KIF2A: variants seen among roughly 807,000 people sequenced by gnomAD.
KIF2A encodes kinesin family member 2A.
In KIF2A, 22 loss-of-function variants were observed where a neutral mutation model predicts 100.2. That is an observed-to-expected ratio of 0.22 (90% CI 0.16 to 0.31). KIF2A has a LOEUF of 0.31. Among genes scored for constraint, KIF2A ranks in the 10% least tolerant of loss-of-function variants. The pLI, the probability that KIF2A is intolerant of heterozygous loss-of-function variation, is 1.00. For synonymous variants in KIF2A, 268 were observed against 285.9 expected (o/e 0.94, Z 0.63); for missense variants, 495 against 898.7 (o/e 0.55, Z 5.74).
At chr5:62,377,814 A>G in intron 19 of KIF2A, 52 bp downstream of exon 19, 2 of 961,834 alleles carry the variant, frequency 2.1e-6, no homozygotes, top group Non-Finnish European at 3.2e-6. Context: ...TAAATTAAGA[A>G]TTTGTCATAA....
intron 19 of KIF2A, among the ~76,000 whole-genome samples, chr5:62,379,054 T>C (rs1332744564): frequency 1.3e-5 from 2 of 151,838 alleles, no homozygotes; most frequent in African/African-American, 2.4e-5. Flanking sequence ...GGTGGATGGA[T>C]TGCTTGAGCC....
At chr5:62,360,681 C>T (rs941891819) in intron 9 of KIF2A, among the ~76,000 whole-genome samples, 2 of 150,826 alleles carry the variant, frequency 1.3e-5, no homozygotes, top group East Asian at 1.9e-4. Context: ...AACGAGACTT[C>T]GTCTCAAAAA....
intron 1 of KIF2A, among the ~76,000 whole-genome samples, chr5:62,321,919 T>A (rs1484228536): frequency 1.3e-5 from 2 of 152,036 alleles, no homozygotes; most frequent in African/African-American, 4.8e-5. Flanking sequence ...TATAATTTGG[T>A]ATGTTTTCTC....
intron 14 of KIF2A, among the ~76,000 whole-genome samples, chr5:62,364,209 A>G (rs892395966): frequency 4.6e-5 from 7 of 151,358 alleles, no homozygotes; most frequent in African/African-American, 1.5e-4. Context: ...GTGCAGTGAC[A>G]CAATCTCGGC....
chr5:62,371,804 G>T (rs1741340118), intron 16 of KIF2A, among the ~76,000 whole-genome samples: 1 of 152,186 alleles, frequency 6.6e-6, no homozygotes, highest in Non-Finnish European at 1.5e-5. Context: ...TCATAATTTG[G>T]TTAAATATAA....
rs528450913 is a variant in KIF2A, at chr5:62,360,093, C to T, written c.873-1149C>T. On this transcript the variant is annotated intron_variant, in intron 9 of 20. Transcript: ENST00000407818. ...TGCAACCTCTGCCTCCCAGTTCAAGCGATTCTCCTGCCTCAGCCTCCTGAG... is the reference window on the plus strand; with the variant it reads ...TGCAACCTCTGCCTCCCAGTTCAAGTGATTCTCCTGCCTCAGCCTCCTGAG... 1.9e-4 allele frequency among the ~76,000 whole-genome samples: 29 copies of T among 151,828 alleles called. No homozygotes were observed. The East Asian group carries it at 4.3e-3, about 23-fold the overall frequency.
chr5:62,357,653 A>G, intron 7 of KIF2A, 38 bp from the exon 8 acceptor site: 1 of 1,091,062 alleles, frequency 9.2e-7, no homozygotes, highest in Non-Finnish European at 1.4e-6. Context: ...TTTACATGAC[A>G]CTAATAATCA....
In KIF2A at chr5:62,306,478, A is replaced by G. The variant is rs1745277081; in HGVS notation, c.6A>G (p.Ala2=). Reference sequence around the variant, plus strand: ...CTGCTGCTCCAGATGAGGTGATGGCAACGGCCAACTTCGGCAAGATCCAGA... The same window carrying G: ...CTGCTGCTCCAGATGAGGTGATGGCGACGGCCAACTTCGGCAAGATCCAGA... M[A]TANFGKIQIG... is the part of the protein sequence containing the mutation. Residue 2 remains alanine, a synonymous_variant, in exon 1 of 21, where the codon GCA becomes GCG. Coordinates refer to ENST00000407818, the MANE Select transcript of KIF2A (RefSeq NM_001098511.3). The G allele has an allele frequency of 6.5e-7, 1 of 1,529,528 alleles. No individual in the cohort carries two copies. Among genetic ancestry groups the G allele is most frequent in the East Asian group, 2.5e-5 (1 of 39,226 alleles). 94.7% of individuals were successfully genotyped at this position (1,529,528 alleles called of 1,614,324 possible). A position where few individuals can be genotyped will look rare whatever the true frequency, so the allele number is the denominator to read the frequency against.
chr5:62,353,025 CTG>C, intron 5 of KIF2A: 1 of 412,488 alleles, frequency 2.4e-6, no homozygotes, highest in Admixed American at 4.2e-5. Context: ...ATTAAAAAGT[CTG>C]TGTTTCTAAA....
At position 62,386,538 on chromosome 5, in the gene KIF2A, A is replaced by C. The variant is rs1742033006; in HGVS notation, c.*969A>C. Among the ~76,000 whole-genome samples, 1 of 152,234 alleles carries C rather than the reference A, an allele frequency of 6.6e-6. No individual in the cohort carries two copies. Among genetic ancestry groups the C allele is most frequent in the South Asian group, 2.1e-4 (1 of 4,834 alleles). On this transcript the variant is annotated 3_prime_UTR_variant, in exon 21 of 21. Coordinates refer to ENST00000407818, the MANE Select transcript of KIF2A (RefSeq NM_001098511.3). ...AAATATACCTTTTCTATGTACTGTT[A>C]AAAGAAATTGGCTTCTGATGCATGA...
intron 1 of KIF2A, among the ~76,000 whole-genome samples, chr5:62,331,067 C>G (rs1746611225): frequency 1.3e-5 from 2 of 152,074 alleles, no homozygotes; most frequent in Non-Finnish European, 2.9e-5. Flanking sequence ...TTTATTTTTA[C>G]TAATAATTTA....
Position 62,385,800 on chromosome 5 carries a change from A to T in KIF2A, c.*231A>T. On this transcript the variant is annotated 3_prime_UTR_variant, in exon 21 of 21. Coordinates refer to ENST00000407818, the MANE Select transcript of KIF2A (RefSeq NM_001098511.3). ...TAATGAAGCATTTTGTTTCATTTAC[A>T]CAAATAGTGATTTACTTTTGGAGAT... The T allele has an allele frequency of 2.0e-6, 1 of 491,400 alleles. No homozygotes were observed. Among genetic ancestry groups the T allele is most frequent in the East Asian group, 3.3e-5 (1 of 30,328 alleles). The allele number at this position is 491,400 out of a possible 1,614,324, so 30.4% of individuals were successfully genotyped here. A position where few individuals can be genotyped will look rare whatever the true frequency, so the allele number is the denominator to read the frequency against.
chr5:62,326,689 A>G lies in KIF2A; in HGVS notation c.64+20153A>G, dbSNP rs545006710. On this transcript the variant is annotated intron_variant, in intron 1 of 20. Transcript: ENST00000407818. Reference sequence around the variant, plus strand: ...ATATGGAAATGCTGTTATTTCTCCCATCCGAAAAAAAAAAAATCCTCTTAG... The same window carrying G: ...ATATGGAAATGCTGTTATTTCTCCCGTCCGAAAAAAAAAAAATCCTCTTAG... 4.2e-4 allele frequency among the ~76,000 whole-genome samples: 64 copies of G among 150,618 alleles called. 1 individual carries two copies. The highest frequency in any genetic ancestry group is 1.4e-3 in the African/African-American group (59 of 41,024).
chr5:62,358,402 A>G, intron 9 of KIF2A, 103 bp downstream of exon 9: 1 of 692,788 alleles, frequency 1.4e-6, no homozygotes, highest in Non-Finnish European at 2.4e-6. Context: ...GAGGTGCAAT[A>G]TGCTGTTTTA....
At chr5:62,367,172 A>G (rs1481213807) in intron 16 of KIF2A, among the ~76,000 whole-genome samples, 1 of 152,344 alleles carries the variant, frequency 6.6e-6, no homozygotes, top group African/African-American at 2.4e-5. Flanking sequence ...TATATGTTGC[A>G]TATTATTCCT....
At chr5:62,377,906 A>G in intron 19 of KIF2A, 144 bp downstream of exon 19, 1 of 437,978 alleles carries the variant, frequency 2.3e-6, no homozygotes, top group East Asian at 3.5e-5. Flanking sequence ...GTGACATGGC[A>G]AATTTTTAAT....
intron 16 of KIF2A, among the ~76,000 whole-genome samples, chr5:62,369,726 T>C (rs1741235632): frequency 6.6e-6 from 1 of 152,174 alleles, no homozygotes; most frequent in Admixed American, 6.6e-5. Context: ...ATACTAAATC[T>C]GCCTTATTTT....
rs183546006 is a variant in KIF2A at position 62,310,978 on chromosome 5, G to C, written c.64+4442G>C. On this transcript the variant is annotated intron_variant, in intron 1 of 20. Transcript: ENST00000407818. ...ACATTTGGAAGCTGCAGCTAATATGGGATTGTTCTTTGGGGGCGGGTCTCT... is the reference window on the plus strand; with the variant it reads ...ACATTTGGAAGCTGCAGCTAATATGCGATTGTTCTTTGGGGGCGGGTCTCT... 1.6e-3 allele frequency among the ~76,000 whole-genome samples: 239 copies of C among 152,206 alleles called. 1 individual carries two copies. The highest frequency in any genetic ancestry group is 5.6e-3 in the African/African-American group (232 of 41,536).
chr5:62,353,426 T>C, intron 6 of KIF2A, 51 bp downstream of exon 6: 1 of 890,606 alleles, frequency 1.1e-6, no homozygotes, highest in South Asian at 2.1e-5. Flanking sequence ...GAGATTAGAT[T>C]ATATCAGTGA....
Sources: gnomAD v4.1 joint callset for allele counts (sites outside exome capture counted in the v4.1 genomes callset) on GRCh38, gnomAD v4.1.1 for gene constraint, MANE v1.5 for transcripts, NCBI Gene and HGNC (gene_info 2026-07-23, HGNC 2026-07-21) for gene names.